The following TMEFF2 variants were observed in gnomAD, a reference collection of about 807,000 sequenced individuals.
TMEFF2 encodes the protein transmembrane protein with EGF like and two follistatin like domains 2.
A neutral mutation model predicts 53.8 loss-of-function variants in TMEFF2; 28 were observed. The ratio of observed to expected loss-of-function variants is 0.52; its 90% CI spans 0.39 to 0.71. The LOEUF is 0.71. Among genes scored for constraint, TMEFF2 ranks in the 30% least tolerant of loss-of-function variants. The probability of loss-of-function intolerance (pLI) is 0.00; values close to 1 mark genes in which losing one functional copy is unlikely to be tolerated. For synonymous variants in TMEFF2, 162 were observed against 166.3 expected, an observed-to-expected ratio of 0.97 and a Z score of 0.20; for missense variants, 353 against 455.2, an observed-to-expected ratio of 0.78 and a Z score of 2.04.
chr2:191,973,321 A>G (rs568171154), intron 7 of TMEFF2, among the ~76,000 whole-genome samples: 1 of 152,176 alleles, frequency 6.6e-6, no homozygotes, highest in African/African-American at 2.4e-5. Context: ...ATAGTGACTT[A>G]AAATTTTGTT....
intron 4 of TMEFF2, among the ~76,000 whole-genome samples, chr2:192,142,329 T>G (rs967243739): frequency 6.6e-6 from 1 of 152,146 alleles, no homozygotes; most frequent in African/African-American, 2.4e-5. Flanking sequence ...CCTTTTGGTT[T>G]GAAGATCTGG....
intron 4 of TMEFF2, among the ~76,000 whole-genome samples, chr2:192,171,333 A>G (rs180850966): frequency 2.4e-3 from 370 of 152,118 alleles, no homozygotes; most frequent in African/African-American, 8.0e-3. Context: ...AACAAGAGAA[A>G]AGAAACTTTA....
chr2:192,109,181 C>T (rs959785760), intron 4 of TMEFF2, among the ~76,000 whole-genome samples: 5 of 151,938 alleles, frequency 3.3e-5, no homozygotes, highest in African/African-American at 4.8e-5. Flanking sequence ...TTATGTCATA[C>T]GCATTTGTCC....
intron 7 of TMEFF2, among the ~76,000 whole-genome samples, chr2:191,957,550 G>A (rs1162926541): frequency 1.3e-5 from 2 of 152,070 alleles, no homozygotes; most frequent in Admixed American, 6.6e-5. Context: ...TGGTATTAGC[G>A]AATCAGACAA....
At chr2:191,958,744 GCT>G (rs926601501) in intron 7 of TMEFF2, among the ~76,000 whole-genome samples, 3 of 152,190 alleles carry the variant, frequency 2.0e-5, no homozygotes, top group Non-Finnish European at 4.4e-5. Flanking sequence ...AGCTTGGAGT[GCT>G]CTGTTATGCT....
chr2:191,979,359 C>T (rs558044473), intron 7 of TMEFF2, among the ~76,000 whole-genome samples: 5 of 152,118 alleles, frequency 3.3e-5, no homozygotes, highest in African/African-American at 4.8e-5. Flanking sequence ...TGATTCATTT[C>T]TATTGCCATT....
intron 7 of TMEFF2, among the ~76,000 whole-genome samples, chr2:191,975,423 T>G (rs1685693887): frequency 6.6e-6 from 1 of 150,962 alleles, no homozygotes; most frequent in African/African-American, 2.4e-5. Context: ...CTCAACTTTC[T>G]CCAAACTCAA....
chr2:192,051,526 T>G (rs1687772641), intron 5 of TMEFF2, among the ~76,000 whole-genome samples: 1 of 152,196 alleles, frequency 6.6e-6, no homozygotes, highest in African/African-American at 2.4e-5. Context: ...TGGTTTTAAA[T>G]AAAACCACTT....
chr2:192,144,824 A>C (rs75256402), intron 4 of TMEFF2, among the ~76,000 whole-genome samples: 529 of 152,114 alleles, frequency 3.5e-3, no homozygotes, highest in East Asian at 0.011. Flanking sequence ...CACTAGTGGG[A>C]TCATATCTAA....
chr2:192,004,795 C>T (rs1341616242), intron 5 of TMEFF2, among the ~76,000 whole-genome samples: 1 of 152,164 alleles, frequency 6.6e-6, no homozygotes, highest in Admixed American at 6.5e-5. Flanking sequence ...ACTATCCCTT[C>T]ACTGCTTTTG....
chr2:192,027,874 G>A (rs935540376), intron 5 of TMEFF2: 1 of 152,206 alleles, frequency 6.6e-6, no homozygotes, highest in Non-Finnish European at 1.5e-5. Flanking sequence ...TCACATAGAT[G>A]GTTCTCAGTG....
chr2:192,117,526 G>A (rs1186772241), intron 4 of TMEFF2, among the ~76,000 whole-genome samples: 1 of 152,082 alleles, frequency 6.6e-6, no homozygotes, highest in Non-Finnish European at 1.5e-5. Context: ...TGTTTCTGAG[G>A]AAGGAGAATA....
At chr2:192,092,293 G>C (rs1456441906) in intron 4 of TMEFF2, among the ~76,000 whole-genome samples, 8 of 151,722 alleles carry the variant, frequency 5.3e-5, no homozygotes, top group Admixed American at 2.0e-4. Context: ...CTATGTGAAG[G>C]GTTTTCTATA....
At position 192,101,943 on chromosome 2, in the gene TMEFF2, A is replaced by G. The variant is rs1689040450; in HGVS notation, c.440-44168T>C. 3.9e-5 allele frequency among the ~76,000 whole-genome samples: 6 copies of G among 152,296 alleles called. No individual in the cohort carries two copies. The South Asian group carries it at 1.2e-3, about 32-fold the overall frequency. ...TGCTTTACAGTTTCCCTATCAATAA[A>G]ATGGTGGTGATGATTATTATGTGCT... On this transcript the variant is annotated intron_variant, in intron 4 of 9. Coordinates refer to ENST00000272771, the MANE Select transcript of TMEFF2 (RefSeq NM_016192.4).
chr2:191,972,137 A>G (rs949224919), intron 7 of TMEFF2, among the ~76,000 whole-genome samples: 4 of 112,892 alleles, frequency 3.5e-5, no homozygotes, highest in African/African-American at 1.4e-4. Context: ...GTATTGCGTT[A>G]GTGTTTTTTT....
At chr2:192,119,934 G>A (rs563505726) in intron 4 of TMEFF2, among the ~76,000 whole-genome samples, 1 of 152,238 alleles carries the variant, frequency 6.6e-6, no homozygotes, top group South Asian at 2.1e-4. Context: ...CCCTGAACTT[G>A]GTCCTGAGTA....
intron 7 of TMEFF2, among the ~76,000 whole-genome samples, chr2:191,981,708 C>G (rs1685854759): frequency 6.6e-6 from 1 of 152,146 alleles, no homozygotes; most frequent in Non-Finnish European, 1.5e-5. Context: ...GTTAGAGAAG[C>G]TTGGGTGCAG....
At chr2:192,153,523 A>C (rs543671853) in intron 4 of TMEFF2, among the ~76,000 whole-genome samples, 7 of 151,870 alleles carry the variant, frequency 4.6e-5, no homozygotes, top group Non-Finnish European at 8.8e-5. Flanking sequence ...CCTGTTTGTG[A>C]TAGAGCAACA....
chr2:192,156,373 G>A (rs1232914954), intron 4 of TMEFF2, among the ~76,000 whole-genome samples: 12 of 151,884 alleles, frequency 7.9e-5, no homozygotes, highest in Admixed American at 3.3e-4. Flanking sequence ...TTACAGATGA[G>A]AAAACTAAGC....
Sources: allele counts gnomAD v4.1 joint callset (sites outside exome capture counted in the v4.1 genomes callset), GRCh38; gene constraint gnomAD v4.1.1; transcripts MANE v1.5; gene names NCBI Gene and HGNC (gene_info 2026-07-23, HGNC 2026-07-21).